GPC6: variants seen among roughly 807,000 people sequenced by gnomAD.
GPC6 encodes the protein glypican 6.
Under a neutral mutation model 55.2 loss-of-function variants are expected in GPC6, and 14 were observed. The observed-to-expected ratio is 0.25, with a 90% CI of 0.17 to 0.40. The LOEUF (loss-of-function observed/expected upper bound fraction) is 0.40, where lower values mean the gene tolerates loss of function less well. Among genes scored for constraint, GPC6 ranks in the 10% least tolerant of loss-of-function variants. The probability of loss-of-function intolerance (pLI) is 1.00; values close to 1 mark genes in which losing one functional copy is unlikely to be tolerated. For synonymous variants in GPC6, 278 were observed against 259.6 expected (o/e 1.07, Z -0.68); for missense variants, 641 against 708.5 (o/e 0.90, Z 1.08).
chr13:94,298,243 C>T (rs1266037878), intron 5 of GPC6, among the ~76,000 whole-genome samples: 1 of 152,086 alleles, frequency 6.6e-6, no homozygotes, highest in African/African-American at 2.4e-5. Flanking sequence ...TATAATGTAG[C>T]TCCTTTTGCT....
intron 2 of GPC6, among the ~76,000 whole-genome samples, chr13:93,673,413 C>T (rs1291142625): frequency 2.6e-5 from 4 of 151,888 alleles, no homozygotes; most frequent in Non-Finnish European, 4.4e-5. Flanking sequence ...TTTGGGAGGC[C>T]AAGGTGGGAG....
At chr13:94,251,789 CT>C (rs1178706867) in intron 4 of GPC6, among the ~76,000 whole-genome samples, 4 of 149,954 alleles carry the variant, frequency 2.7e-5, no homozygotes, top group African/African-American at 9.8e-5. Context: ...GGGATGCTAT[CT>C]TTTTTTTTCA....
At chr13:93,330,255 T>C (rs542026445) in intron 1 of GPC6, among the ~76,000 whole-genome samples, 5 of 152,292 alleles carry the variant, frequency 3.3e-5, no homozygotes, top group Admixed American at 2.6e-4. Context: ...TTGGGTACAG[T>C]GGCTCATACT....
At chr13:94,266,241 T>C (rs1384730592) in intron 4 of GPC6, among the ~76,000 whole-genome samples, 1 of 151,978 alleles carries the variant, frequency 6.6e-6, no homozygotes, top group Non-Finnish European at 1.5e-5. Flanking sequence ...CGATCTTGGC[T>C]CACTGCAAGC....
chr13:93,498,908 T>C (rs1026253696), intron 1 of GPC6, among the ~76,000 whole-genome samples: 2 of 152,188 alleles, frequency 1.3e-5, no homozygotes, highest in African/African-American at 4.8e-5. Flanking sequence ...ATGAATTGGA[T>C]TATTTGTTAG....
At chr13:93,489,588 T>A (rs1879876027) in intron 1 of GPC6, among the ~76,000 whole-genome samples, 1 of 151,598 alleles carries the variant, frequency 6.6e-6, no homozygotes, top group Admixed American at 6.5e-5. Context: ...CAATATTGAT[T>A]CTTCCTATCC....
At chr13:93,643,926 ACAT>A (rs1038286925) in intron 2 of GPC6, among the ~76,000 whole-genome samples, 2 of 152,070 alleles carry the variant, frequency 1.3e-5, no homozygotes, top group Non-Finnish European at 1.5e-5. Context: ...ATTATTCAAT[ACAT>A]CATCATTTTT....
At chr13:93,591,331 G>T (rs1877467779) in intron 2 of GPC6, among the ~76,000 whole-genome samples, 1 of 152,046 alleles carries the variant, frequency 6.6e-6, no homozygotes, top group African/African-American at 2.4e-5. Context: ...GGGCATGGTG[G>T]CGGACGCCTG....
chr13:93,591,259 C>G (rs992731473), intron 2 of GPC6, among the ~76,000 whole-genome samples: 2 of 151,322 alleles, frequency 1.3e-5, no homozygotes, highest in African/African-American at 4.9e-5. Context: ...GTCAGGATAT[C>G]GAGCCCATCC....
At chr13:94,009,547 T>C (rs1480518035) in intron 3 of GPC6, among the ~76,000 whole-genome samples, 1 of 152,110 alleles carries the variant, frequency 6.6e-6, no homozygotes, top group African/African-American at 2.4e-5. Flanking sequence ...GGCAGTGAAA[T>C]AGATGACCTT....
chr13:93,488,931 G>T (rs1023560029), intron 1 of GPC6, among the ~76,000 whole-genome samples: 4 of 151,986 alleles, frequency 2.6e-5, no homozygotes, highest in South Asian at 4.2e-4. Flanking sequence ...GCCTGTTCCC[G>T]CTGATGGTAG....
chr13:93,749,732 A>G (rs1175352151), intron 2 of GPC6, among the ~76,000 whole-genome samples: 1 of 152,094 alleles, frequency 6.6e-6, no homozygotes, highest in Non-Finnish European at 1.5e-5. Flanking sequence ...GAGGGCTTAA[A>G]CTGATATTAC....
At chr13:93,888,914 G>A (rs527799083) in intron 3 of GPC6, among the ~76,000 whole-genome samples, 130 of 152,130 alleles carry the variant, frequency 8.5e-4, no homozygotes, top group Non-Finnish European at 1.3e-3. Context: ...AACTGAGCAG[G>A]AAATAAGCCT....
At chr13:94,204,286 G>T (rs936765357) in intron 4 of GPC6, among the ~76,000 whole-genome samples, 2 of 152,112 alleles carry the variant, frequency 1.3e-5, no homozygotes, top group Non-Finnish European at 2.9e-5. Flanking sequence ...GGATAAAAAT[G>T]TACCTAATCC....
intron 4 of GPC6, among the ~76,000 whole-genome samples, chr13:94,108,318 C>A (rs551745405): frequency 6.6e-6 from 1 of 152,040 alleles, no homozygotes; most frequent in Admixed American, 6.5e-5. Flanking sequence ...TGTTCTCACT[C>A]ATAAATAGGA....
intron 4 of GPC6, among the ~76,000 whole-genome samples, chr13:94,267,072 A>G (rs931695000): frequency 2.6e-5 from 4 of 152,232 alleles, no homozygotes; most frequent in African/African-American, 4.8e-5. Context: ...GCCTTTAAAA[A>G]TAATGACTTT....
At chr13:94,272,586 A>G (rs1892073536) in intron 4 of GPC6, among the ~76,000 whole-genome samples, 1 of 146,962 alleles carries the variant, frequency 6.8e-6, no homozygotes, top group Non-Finnish European at 1.5e-5. Flanking sequence ...CTCTTGCCTC[A>G]GCCTCCCAAG....
At chr13:93,244,543 C>T (rs1470427851) in intron 1 of GPC6, among the ~76,000 whole-genome samples, 1 of 152,222 alleles carries the variant, frequency 6.6e-6, no homozygotes, top group East Asian at 1.9e-4. Context: ...GAGTGTCTTC[C>T]TTCTGCCCCT....
chr13:93,509,599 T>TA (rs1485955915), intron 1 of GPC6, among the ~76,000 whole-genome samples: 1 of 152,210 alleles, frequency 6.6e-6, no homozygotes, highest in Non-Finnish European at 1.5e-5. Context: ...ATTATTTTCT[T>TA]AAAGCTTCTG....
Sources: gnomAD v4.1 joint callset for allele counts (sites outside exome capture counted in the v4.1 genomes callset) on GRCh38, gnomAD v4.1.1 for gene constraint, MANE v1.5 for transcripts, NCBI Gene and HGNC (gene_info 2026-07-23, HGNC 2026-07-21) for gene names.